ITPR3: variants seen among roughly 807,000 people sequenced by gnomAD.
ITPR3 encodes inositol 1,4,5-trisphosphate receptor type 3, also known as inositol 1,4,5-trisphosphate-gated calcium channel ITPR3.
In ITPR3, 173 loss-of-function variants were observed where a neutral mutation model predicts 293.2. The observed-to-expected ratio is 0.59, with a 90% CI of 0.52 to 0.67. The LOEUF is 0.67. ITPR3 is among the 30% of genes least tolerant of loss of function. The pLI is 0.00. For missense variants in ITPR3, 2,796 were observed against 3,592.1 expected (o/e 0.78, Z 5.66); for synonymous variants, 1,295 against 1,444.4 (o/e 0.90, Z 2.35).
At position 33,676,626 on chromosome 6, in the gene ITPR3, A is replaced by T. The variant is rs1764913366; in HGVS notation, c.3283-142A>T. On this transcript the variant is annotated intron_variant, in intron 25 of 57. Transcript: ENST00000605930. Reference sequence around the variant, plus strand: ...GTGGGCTTATGGCAGAGCCAGAAACATTGAGTGGGAATCGGCTCGGTGGAG... The same window carrying T: ...GTGGGCTTATGGCAGAGCCAGAAACTTTGAGTGGGAATCGGCTCGGTGGAG... The T allele has an allele frequency of 8.1e-6, 8 of 991,966 alleles. No homozygotes were observed. The South Asian group carries it at 1.3e-4, about 16-fold the overall frequency. 61.4% of individuals were successfully genotyped at this position (991,966 alleles called of 1,614,324 possible). A position where few individuals can be genotyped will look rare whatever the true frequency, so the allele number is the denominator to read the frequency against.
chr6:33,624,164 C>T lies in ITPR3; in HGVS notation c.89+2473C>T, dbSNP rs554480252. Among the ~76,000 whole-genome samples the T allele has an allele frequency of 3.3e-5, 5 of 152,348 alleles. No individual in the cohort carries two copies. The highest frequency in any genetic ancestry group is 2.1e-4 in the South Asian group (1 of 4,834). On this transcript the variant is annotated intron_variant, in intron 1 of 57. Transcript: ENST00000605930. The surrounding 1 kb of genome is among the most constrained non-coding windows in gnomAD (Gnocchi z 4.7). Reference sequence around the variant, plus strand: ...AACCCCTAGGGCAGAATTAACCCTTCGTCCTCTATGCTTTTGAACTGCTTT... The same window carrying T: ...AACCCCTAGGGCAGAATTAACCCTTTGTCCTCTATGCTTTTGAACTGCTTT...
chr6:33,648,069 T>TC (rs1304804215), intron 2 of ITPR3, among the ~76,000 whole-genome samples: 1 of 136,766 alleles, frequency 7.3e-6, no homozygotes, highest in Non-Finnish European at 1.6e-5. Flanking sequence ...TCTTTTTCTT[T>TC]TTTTTTTTTT....
intron 1 of ITPR3, among the ~76,000 whole-genome samples, chr6:33,639,326 T>A (rs150273297): frequency 0.16 from 22,804 of 145,900 alleles, 1,832 homozygotes; most frequent in African/African-American, 0.18. Flanking sequence ...TTGCAGTGAG[T>A]CGAGATTGCG....
chr6:33,659,648 AC>A, intron 7 of ITPR3, 99 bp downstream of exon 7: 2 of 999,720 alleles, frequency 2.0e-6, no homozygotes, highest in South Asian at 1.4e-5. Context: ...TCAGGCCCTT[AC>A]CCTCTCCCCA....
chr6:33,688,868 C>T (rs1331172536), intron 49 of ITPR3, 87 bp downstream of exon 49: 2 of 1,567,202 alleles, frequency 1.3e-6, no homozygotes, highest in African/African-American at 1.4e-5. Flanking sequence ...GCCAGCTGGC[C>T]TCTGAGGGCA....
rs926146455 is a variant in ITPR3 at position 33,633,843 on chromosome 6, G to GGGGCC, written c.90-6627_90-6623dup. Among the ~76,000 whole-genome samples, 9 of 146,320 alleles carry GGGGCC rather than the reference G, an allele frequency of 6.2e-5. No homozygotes were observed. The highest frequency in any genetic ancestry group is 4.0e-4 in the East Asian group (2 of 5,040). On this transcript the variant is annotated intron_variant, in intron 1 of 57. Coordinates refer to ENST00000605930, the MANE Select transcript of ITPR3 (RefSeq NM_002224.4). The surrounding 1 kb of genome is among the most constrained non-coding windows in gnomAD (Gnocchi z 5.2). ...GGCGGGCGCGGGGCGGGCGCGGGGC[G>GGGGCC]GGGCCGGGCCGGGCCGGGGCGGGGC...
chr6:33,645,165 C>A (rs1473515478), intron 2 of ITPR3, among the ~76,000 whole-genome samples: 1 of 151,706 alleles, frequency 6.6e-6, no homozygotes. Context: ...AAACCCCCGT[C>A]TCTACTAAAA....
chr6:33,669,163 C>T lies in ITPR3; in HGVS notation c.2189+7C>T, dbSNP rs757099624. On this transcript the variant is annotated splice_region_variant and intron_variant, in intron 18 of 57. Coordinates refer to ENST00000605930, the MANE Select transcript of ITPR3 (RefSeq NM_002224.4). ...ATGTGCTCAGCTACTACAGGTGCCC[C>T]GCCCCAGCTCCTCCCCTCCCTCTTC... is the stretch of plus-strand genomic sequence containing the variant. 60 of 1,610,980 alleles carry T rather than the reference C, an allele frequency of 3.7e-5. No individual in the cohort carries two copies. The highest frequency in any genetic ancestry group is 6.7e-5 in the East Asian group (3 of 44,880).
Position 33,677,089 on chromosome 6 carries a change from C to A in ITPR3, c.3522C>A (p.Gly1174=). 6.2e-7 allele frequency: 1 copy of A among 1,613,714 alleles called. No individual in the cohort carries two copies. Among genetic ancestry groups the A allele is most frequent in the Non-Finnish European group, 8.5e-7 (1 of 1,179,714 alleles). ...KSSENYQIVK[G]ILERLNKMCG... ...GTGAGAACTACCAGATCGTCAAGGG[C>A]GTGAGTGGCCAAGGGTCCTCGGGGT... Residue 1174 remains glycine, a splice_region_variant and synonymous_variant, in exon 27 of 58, where the codon GGC becomes GGA. Transcript: ENST00000605930.
intron 20 of ITPR3, 42 bp from the exon 21 acceptor site, chr6:33,671,123 G>A (rs565519560): frequency 4.4e-6 from 7 of 1,608,778 alleles, no homozygotes; most frequent in Admixed American, 1.7e-5. Context: ...GCCCCTACGC[G>A]CCGGCCCCTC....
rs9469547 is a variant in ITPR3 at position 33,670,271 on chromosome 6, A to C, written c.2190-54A>C. Reference sequence around the variant, plus strand: ...CTCACCAAGTCTAGTGCCCAGTGCCAGCAGCCTCCCGGCTGCCATCTGCCG... The same window carrying C: ...CTCACCAAGTCTAGTGCCCAGTGCCCGCAGCCTCCCGGCTGCCATCTGCCG... On this transcript the variant is annotated intron_variant, in intron 18 of 57. Transcript: ENST00000605930. The surrounding 1 kb of genome is among the most constrained non-coding windows in gnomAD (Gnocchi z 6.7). 6.2e-7 allele frequency: 1 copy of C among 1,604,192 alleles called. No individual in the cohort carries two copies.
At chr6:33,693,008 T>G (rs1459008192) in intron 55 of ITPR3, 115 bp downstream of exon 55, 5 of 981,550 alleles carry the variant, frequency 5.1e-6, no homozygotes, top group Non-Finnish European at 7.5e-6. Flanking sequence ...CCGGAGCTGA[T>G]GACTTGATGC....
intron 7 of ITPR3, among the ~76,000 whole-genome samples, chr6:33,661,991 T>TAAAAAAAAAAAAA (rs1333480203): frequency 5.9e-5 from 1 of 16,874 alleles, no homozygotes; most frequent in Non-Finnish European, 1.8e-4. Flanking sequence ...TGACTGTCTC[T>TAAAAAAAAAAAAA]GAAAAAAAAA....
rs199731287 is a variant in ITPR3, at chr6:33,673,556, C to G, written c.2929-35C>G. Reference sequence around the variant, plus strand: ...CCTTCTGACCTCAGATCAGTCCTCACCCCATCCTCACCTGACCTTTCCTCT... The same window carrying G: ...CCTTCTGACCTCAGATCAGTCCTCAGCCCATCCTCACCTGACCTTTCCTCT... On this transcript the variant is annotated intron_variant, in intron 22 of 57. Coordinates refer to ENST00000605930, the MANE Select transcript of ITPR3 (RefSeq NM_002224.4). 1.1e-4 allele frequency: 179 copies of G among 1,612,080 alleles called. 1 individual carries two copies. The African/African-American group carries it at 1.8e-3, about 16-fold the overall frequency.
chr6:33,622,514 C>T (rs4713641), intron 1 of ITPR3, among the ~76,000 whole-genome samples: 141,778 of 152,132 alleles, frequency 0.93, 66,238 homozygotes, highest in East Asian at 0.98. Context: ...TGGATGGGAG[C>T]GTAGGTGGTT....
chr6:33,634,972 T>C (rs1051501211), intron 1 of ITPR3, among the ~76,000 whole-genome samples: 3 of 152,106 alleles, frequency 2.0e-5, no homozygotes, highest in Admixed American at 2.0e-4. Flanking sequence ...AGATGGGGGC[T>C]GTGGGGACTG....
In ITPR3 at chr6:33,695,740, G is replaced by A. The variant is rs766896205; in HGVS notation, c.7976G>A (p.Arg2659His). 6.2e-6 allele frequency: 10 copies of A among 1,614,038 alleles called. No individual in the cohort carries two copies. The highest frequency in any genetic ancestry group is 7.6e-6 in the Non-Finnish European group (9 of 1,180,042). The change falls in exon 58 of 58, where the codon CGC becomes CAC. Residue 2659 changes from arginine (R) to histidine (H), a missense_variant. Around this residue, in one of 8 missense-constraint regions of ITPR3, gnomAD observed 568 missense variants for 796.1 expected, o/e 0.71. Coordinates refer to ENST00000605930, the MANE Select transcript of ITPR3 (RefSeq NM_002224.4). The part of the protein sequence containing the change: ...QMTEQRKRRQ[R>H]LGFVDVQNCI... ...ACGGAGCAGCGGAAACGCAGGCAAC[G>A]CCTAGGCTTTGTGGATGTCCAGAAC...
chr6:33,689,538 A>G (rs1765333809), intron 50 of ITPR3, 128 bp downstream of exon 50: 4 of 1,032,622 alleles, frequency 3.9e-6, no homozygotes, highest in Non-Finnish European at 5.6e-6. Flanking sequence ...TGGGCTCCCA[A>G]GTTCCTTATA....
intron 56 of ITPR3, chr6:33,694,564 A>C (rs903137549): frequency 4.7e-5 from 12 of 254,210 alleles, no homozygotes; most frequent in South Asian, 2.0e-4. Flanking sequence ...GGCGGGCGGG[A>C]GGAAGGAAGG....
Sources: gnomAD v4.1 joint callset for allele counts (sites outside exome capture counted in the v4.1 genomes callset) on GRCh38, gnomAD v4.1.1 for gene constraint, gnomAD v4.1.1 regional missense constraint, Gnocchi (gnomAD v3.1) non-coding constraint, MANE v1.5 for transcripts, NCBI Gene and HGNC (gene_info 2026-07-23, HGNC 2026-07-21) for gene names.